Variants in LIN7A observed in about 807,000 individuals in gnomAD.
The protein encoded by LIN7A is lin-7 cell polarity scaffold A, also known as protein lin-7 homolog A.
LIN7A carries 25 observed loss-of-function variants against 29.8 expected under a neutral mutation model. That is an observed-to-expected ratio of 0.84 (90% CI 0.61 to 1.17). The LOEUF is 1.17. LIN7A is among the 50% of genes most tolerant of loss of function. The pLI, the probability that LIN7A is intolerant of heterozygous loss-of-function variation, is 0.00. For missense variants in LIN7A, 239 were observed against 287.0 expected (o/e 0.83, Z 1.21); for synonymous variants, 118 against 107.5 (o/e 1.10, Z -0.60).
intron 4 of LIN7A, 105 bp downstream of exon 4, chr12:80,845,625 A>C (rs775062535): frequency 7.5e-5 from 65 of 871,582 alleles, no homozygotes; most frequent in Non-Finnish European, 1.1e-4. Flanking sequence ...TTAGACATAA[A>C]ATGAATATTT....
At chr12:80,845,463 A>G (rs916706539) in intron 4 of LIN7A, 1 of 360,320 alleles carries the variant, frequency 2.8e-6, no homozygotes, top group African/African-American at 2.1e-5. Flanking sequence ...TACTTGGAGT[A>G]TTATGGGAAG....
intron 1 of LIN7A, among the ~76,000 whole-genome samples, chr12:80,922,939 G>A (rs983079662): frequency 3.3e-5 from 5 of 151,976 alleles, no homozygotes; most frequent in Admixed American, 1.3e-4. Context: ...GGCAGCCCCC[G>A]GGGGTCTTGG....
At chr12:80,887,874 G>C (rs1303069155) in intron 2 of LIN7A, among the ~76,000 whole-genome samples, 1 of 152,006 alleles carries the variant, frequency 6.6e-6, no homozygotes, top group African/African-American at 2.4e-5. Flanking sequence ...AGAGATGGTA[G>C]AATCTCTAAA....
chr12:80,908,978 T>C (rs1876620040), intron 1 of LIN7A, among the ~76,000 whole-genome samples: 1 of 152,148 alleles, frequency 6.6e-6, no homozygotes, highest in Non-Finnish European at 1.5e-5. Flanking sequence ...ACTAATACTT[T>C]TTAATTTATC....
intron 2 of LIN7A, among the ~76,000 whole-genome samples, chr12:80,851,369 T>G (rs76430468): frequency 6.6e-6 from 1 of 151,574 alleles, no homozygotes; most frequent in Non-Finnish European, 1.5e-5. Context: ...TTTTTTTTTT[T>G]GTCTACAAAA....
intron 4 of LIN7A, among the ~76,000 whole-genome samples, chr12:80,829,167 C>T (rs1179438449): frequency 6.6e-6 from 1 of 151,920 alleles, no homozygotes. Flanking sequence ...AAAATAAGTC[C>T]CCCAAAACAA....
chr12:80,928,674 T>C (rs1251924518), intron 1 of LIN7A, among the ~76,000 whole-genome samples: 2 of 152,232 alleles, frequency 1.3e-5, no homozygotes, highest in Non-Finnish European at 2.9e-5. Flanking sequence ...TTTCTTTTGC[T>C]GTTCAGGAGC....
At chr12:80,827,624 T>C (rs1319538069) in intron 4 of LIN7A, among the ~76,000 whole-genome samples, 2 of 152,176 alleles carry the variant, frequency 1.3e-5, no homozygotes, top group East Asian at 1.9e-4. Flanking sequence ...ATCTTCAACA[T>C]AGAAGCAACA....
intron 4 of LIN7A, among the ~76,000 whole-genome samples, chr12:80,826,844 C>T (rs966314858): frequency 6.6e-6 from 1 of 152,044 alleles, no homozygotes; most frequent in African/African-American, 2.4e-5. Context: ...TTTTTGCATG[C>T]CCTTGCTTAA....
Position 80,847,952 on chromosome 12 carries a change from T to C in LIN7A, c.273+299A>G, listed in dbSNP as rs374221802. 4.4e-4 allele frequency: 197 copies of C among 443,744 alleles called. 3 individuals carry two copies. The highest frequency in any genetic ancestry group is 3.8e-3 in the South Asian group (186 of 49,088). 27.5% of individuals were successfully genotyped at this position (443,744 alleles called of 1,614,324 possible). Reference sequence around the variant, plus strand: ...TACAGGTTCTTTCAGATCAGAAGAATGTGTCTGAAAATCATATAGTATTTC... The same window carrying C: ...TACAGGTTCTTTCAGATCAGAAGAACGTGTCTGAAAATCATATAGTATTTC... On this transcript the variant is annotated intron_variant, in intron 3 of 5. Coordinates refer to ENST00000552864, the MANE Select transcript of LIN7A (RefSeq NM_004664.4).
At chr12:80,914,509 C>T (rs1013895163) in intron 1 of LIN7A, among the ~76,000 whole-genome samples, 1 of 152,220 alleles carries the variant, frequency 6.6e-6, no homozygotes, top group African/African-American at 2.4e-5. Context: ...CACTTCCTTA[C>T]TCAGAATTTT....
At chr12:80,883,575 A>G (rs890144689) in intron 2 of LIN7A, among the ~76,000 whole-genome samples, 2 of 152,146 alleles carry the variant, frequency 1.3e-5, no homozygotes, top group African/African-American at 4.8e-5. Context: ...CTATCAAAAC[A>G]CCATACTTAG....
At chr12:80,916,338 CT>C (rs1261370836) in intron 1 of LIN7A, among the ~76,000 whole-genome samples, 4 of 152,162 alleles carry the variant, frequency 2.6e-5, no homozygotes, top group Non-Finnish European at 4.4e-5. Flanking sequence ...CATGCACCCC[CT>C]GATTTCTCTC....
intron 3 of LIN7A, among the ~76,000 whole-genome samples, chr12:80,847,420 GA>G (rs60135992): frequency 0.057 from 8,741 of 152,104 alleles, 387 homozygotes; most frequent in Admixed American, 0.15. Context: ...TTCAGTTACA[GA>G]GTAAAAACTA....
At chr12:80,891,828 A>G (rs1313192211) in intron 1 of LIN7A, among the ~76,000 whole-genome samples, 1 of 152,208 alleles carries the variant, frequency 6.6e-6, no homozygotes, top group African/African-American at 2.4e-5. Context: ...AAGGGAATAA[A>G]TGCAGATCAA....
chr12:80,815,199 A>AAGCAC (rs1871476040), intron 4 of LIN7A, among the ~76,000 whole-genome samples: 1 of 152,070 alleles, frequency 6.6e-6, no homozygotes, highest in East Asian at 1.9e-4. Context: ...CCTATTATTT[A>AAGCAC]TCTCTGGAGT....
At chr12:80,911,512 T>C (rs1010380934) in intron 1 of LIN7A, among the ~76,000 whole-genome samples, 16 of 152,170 alleles carry the variant, frequency 1.1e-4, no homozygotes, top group Admixed American at 1.0e-3. Flanking sequence ...GAAAGGGATA[T>C]AGCACCTTAA....
At chr12:80,803,120 G>C (rs1321516640) in intron 5 of LIN7A, among the ~76,000 whole-genome samples, 2 of 152,186 alleles carry the variant, frequency 1.3e-5, no homozygotes, top group Non-Finnish European at 2.9e-5. Context: ...TTGCTGTGAA[G>C]AAGCTGTTTA....
At chr12:80,909,561 A>G (rs1464676251) in intron 1 of LIN7A, among the ~76,000 whole-genome samples, 1 of 152,102 alleles carries the variant, frequency 6.6e-6, no homozygotes, top group African/African-American at 2.4e-5. Context: ...ACTTTCTCAC[A>G]GATGGCATCT....
Sources: gnomAD v4.1 joint callset for allele counts (sites outside exome capture counted in the v4.1 genomes callset) on GRCh38, gnomAD v4.1.1 for gene constraint, MANE v1.5 for transcripts, NCBI Gene and HGNC (gene_info 2026-07-23, HGNC 2026-07-21) for gene names.